The following DNAL1 variants were observed in gnomAD, a reference collection of about 807,000 sequenced individuals.
DNAL1 encodes chromosome 14 open reading frame 168.
Under a neutral mutation model 29.4 loss-of-function variants are expected in DNAL1, and 17 were observed. That is an observed-to-expected ratio of 0.58 (90% CI 0.40 to 0.87). DNAL1 has a LOEUF of 0.87. Among genes scored for constraint, DNAL1 ranks in the 40% least tolerant of loss-of-function variants. The pLI, the probability that DNAL1 is intolerant of heterozygous loss-of-function variation, is 0.00. For synonymous variants in DNAL1, 78 were observed against 76.3 expected, an observed-to-expected ratio of 1.02 and a Z score of -0.12; for missense variants, 188 against 214.1, an observed-to-expected ratio of 0.88 and a Z score of 0.76.
intron 5 of DNAL1, among the ~76,000 whole-genome samples, chr14:73,676,906 C>T (rs2140047521): frequency 6.6e-6 from 1 of 151,810 alleles, no homozygotes; most frequent in South Asian, 2.1e-4. Flanking sequence ...CTATTTCCAT[C>T]ACTGGCACAT....
In DNAL1 at chr14:73,696,148, C is replaced by A; in HGVS notation, c.*206C>A. 2.1e-6 allele frequency: 1 copy of A among 478,548 alleles called. No individual in the cohort carries two copies. Among genetic ancestry groups the A allele is most frequent in the East Asian group, 3.7e-5 (1 of 27,078 alleles). 29.6% of individuals were successfully genotyped at this position (478,548 alleles called of 1,614,324 possible). A position where few individuals can be genotyped will look rare whatever the true frequency, so the allele number is the denominator to read the frequency against. On this transcript the variant is annotated 3_prime_UTR_variant, in exon 8 of 8. Transcript: ENST00000553645. ...AATGCCAACCTTATATATCCTATTT[C>A]TCTTTTTAGAAACCACAAATTTTCG...
rs553702468 is a variant in DNAL1, at chr14:73,702,830, C to T, written c.*6888C>T. ...ATACATTTCTTGCTGCTGTCCTCCA[C>T]TAAACAGCAGACAAATTGCCAGGTG... On this transcript the variant is annotated 3_prime_UTR_variant, in exon 8 of 8. Transcript: ENST00000553645. 6.6e-6 allele frequency: 1 copy of T among 152,128 alleles called. No homozygotes were observed. The highest frequency in any genetic ancestry group is 1.9e-4 in the East Asian group (1 of 5,182). 9.4% of individuals were successfully genotyped at this position (152,128 alleles called of 1,614,324 possible).
chr14:73,645,103 AC>A (rs1392188479), intron 1 of DNAL1, 61 bp downstream of exon 1: 1 of 1,588,720 alleles, frequency 6.3e-7, no homozygotes, highest in Non-Finnish European at 8.6e-7. Context: ...GAAAAGGGTG[AC>A]TGTGGAGTGT....
At chr14:73,689,322 G>A (rs923467600) in intron 6 of DNAL1, 53 bp from the exon 7 acceptor site, 42 of 1,544,892 alleles carry the variant, frequency 2.7e-5, no homozygotes, top group East Asian at 9.8e-5. Flanking sequence ...GTGGACCACC[G>A]CACCCGGCCA....
intron 4 of DNAL1, among the ~76,000 whole-genome samples, chr14:73,670,264 C>A: frequency 6.6e-6 from 1 of 152,110 alleles, no homozygotes. Context: ...TCAGCACTGT[C>A]CCAATACAGT....
At chr14:73,694,985 G>A (rs1016340537) in intron 7 of DNAL1, among the ~76,000 whole-genome samples, 5 of 150,292 alleles carry the variant, frequency 3.3e-5, no homozygotes, top group South Asian at 2.1e-4. Context: ...CACCGCGCCC[G>A]GCCCATAGAA....
chr14:73,654,898 G>A lies in DNAL1; in HGVS notation c.42+13G>A. On this transcript the variant is annotated intron_variant, in intron 2 of 7. Coordinates refer to ENST00000553645, the MANE Select transcript of DNAL1 (RefSeq NM_031427.4). The stretch of plus-strand genomic sequence containing the variant: ...CTTAGCGAGATGGGTGAGTACATGA[G>A]TTTTTCCTTCTTTTAGAAACTGTAC... The A allele has an allele frequency of 6.5e-7, 1 of 1,541,244 alleles. No homozygotes were observed. The highest frequency in any genetic ancestry group is 8.7e-7 in the Non-Finnish European group (1 of 1,143,718).
intron 1 of DNAL1, among the ~76,000 whole-genome samples, chr14:73,651,702 G>A (rs1395986324): frequency 2.6e-5 from 4 of 152,110 alleles, no homozygotes; most frequent in Admixed American, 2.0e-4. Context: ...TGCTGCCCGG[G>A]CTGCAGTGCA....
intron 4 of DNAL1, among the ~76,000 whole-genome samples, chr14:73,663,348 G>GGCAT (rs1359371658): frequency 6.6e-5 from 10 of 151,644 alleles, no homozygotes; most frequent in African/African-American, 2.4e-4. Flanking sequence ...TGGGATTACA[G>GGCAT]GTGCCCACCG....
At chr14:73,683,346 C>T (rs903637807) in intron 5 of DNAL1, among the ~76,000 whole-genome samples, 2 of 152,100 alleles carry the variant, frequency 1.3e-5, no homozygotes, top group Non-Finnish European at 2.9e-5. Flanking sequence ...TTTGTTTACA[C>T]TAGTATCACC....
chr14:73,679,864 G>A (rs1891835881), intron 5 of DNAL1, among the ~76,000 whole-genome samples: 1 of 150,322 alleles, frequency 6.7e-6, no homozygotes, highest in Non-Finnish European at 1.5e-5. Flanking sequence ...GTGTCATGAG[G>A]CGCAGGTATC....
chr14:73,701,426 T>C lies in DNAL1; in HGVS notation c.*5484T>C, dbSNP rs1566570104. On this transcript the variant is annotated 3_prime_UTR_variant, in exon 8 of 8. Transcript: ENST00000553645. ...CAGAGTCAGGATTTCCCTTTTTCCC[T>C]ACTTGAGTCGTCTTCCATGTCTGTT... The C allele has an allele frequency of 6.6e-6, 1 of 152,274 alleles. No individual in the cohort carries two copies. The highest frequency in any genetic ancestry group is 2.4e-5 in the African/African-American group (1 of 41,474). The allele number at this position is 152,274 out of a possible 1,614,324, so 9.4% of individuals were successfully genotyped here. A position where few individuals can be genotyped will look rare whatever the true frequency, so the allele number is the denominator to read the frequency against.
chr14:73,682,736 T>A (rs1891918246), intron 5 of DNAL1, among the ~76,000 whole-genome samples: 1 of 152,054 alleles, frequency 6.6e-6, no homozygotes, highest in Admixed American at 6.6e-5. Flanking sequence ...ATCACTGTCT[T>A]CCACCTCCAC....
intron 3 of DNAL1, among the ~76,000 whole-genome samples, chr14:73,660,755 C>T (rs1339147272): frequency 6.6e-6 from 1 of 152,150 alleles, no homozygotes; most frequent in Non-Finnish European, 1.5e-5. Flanking sequence ...GGCATGATTT[C>T]AAAGTGGTCA....
At chr14:73,687,850 G>A (rs1301297002) in intron 6 of DNAL1, among the ~76,000 whole-genome samples, 3 of 152,170 alleles carry the variant, frequency 2.0e-5, no homozygotes, top group Admixed American at 1.3e-4. Flanking sequence ...TCCAGCCAGG[G>A]CAGCAGAGCA....
At chr14:73,687,700 G>A (rs1371538677) in intron 6 of DNAL1, among the ~76,000 whole-genome samples, 2 of 152,046 alleles carry the variant, frequency 1.3e-5, no homozygotes, top group Non-Finnish European at 2.9e-5. Flanking sequence ...GTGAAACCCC[G>A]TCTCTACTAA....
intron 1 of DNAL1, among the ~76,000 whole-genome samples, chr14:73,652,374 A>G (rs28760532): frequency 0.011 from 1,716 of 151,732 alleles, 30 homozygotes; most frequent in African/African-American, 0.04. Flanking sequence ...TGATCTTCCC[A>G]CCTCAGCCTC....
chr14:73,669,153 TC>T (rs1336064959), intron 4 of DNAL1, among the ~76,000 whole-genome samples: 1 of 152,178 alleles, frequency 6.6e-6, no homozygotes, highest in African/African-American at 2.4e-5. Context: ...TTTCTTTTTT[TC>T]TTTTAGACAG....
chr14:73,665,700 A>C (rs1190236143), intron 4 of DNAL1, among the ~76,000 whole-genome samples: 1 of 151,894 alleles, frequency 6.6e-6, no homozygotes, highest in Admixed American at 6.6e-5. Flanking sequence ...CTGAGGCAGG[A>C]GAATAGCTGG....
Sources: gnomAD v4.1 joint callset for allele counts (sites outside exome capture counted in the v4.1 genomes callset) on GRCh38, gnomAD v4.1.1 for gene constraint, MANE v1.5 for transcripts, NCBI Gene and HGNC (gene_info 2026-07-23, HGNC 2026-07-21) for gene names.